The following SPATA13 variants were observed in gnomAD, a reference collection of about 807,000 sequenced individuals.
SPATA13 encodes the protein spermatogenesis associated 13.
Under a neutral mutation model 104.0 loss-of-function variants are expected in SPATA13, and 50 were observed. The observed-to-expected ratio is 0.48, with a 90% CI of 0.38 to 0.61. SPATA13 has a LOEUF of 0.61. SPATA13 is among the 20% of genes least tolerant of loss of function. The pLI, the probability that SPATA13 is intolerant of heterozygous loss-of-function variation, is 0.00. For missense variants in SPATA13, 1,524 were observed against 1,690.6 expected (o/e 0.90, Z 1.73); for synonymous variants, 606 against 667.5 (o/e 0.91, Z 1.42).
chr13:24,231,063 C>G (rs141958157), intron 2 of SPATA13, among the ~76,000 whole-genome samples: 4 of 152,184 alleles, frequency 2.6e-5, no homozygotes, highest in Non-Finnish European at 4.4e-5. Context: ...TGGCTCCCCC[C>G]AGAAGGCTTC....
chr13:24,170,877 C>T (rs74041904), intron 1 of SPATA13, among the ~76,000 whole-genome samples: 4 of 151,932 alleles, frequency 2.6e-5, no homozygotes, highest in African/African-American at 7.2e-5. Context: ...TTATATGATT[C>T]GTTGTTGGGA....
intron 1 of SPATA13, among the ~76,000 whole-genome samples, chr13:24,167,747 T>C (rs1166805181): frequency 1.3e-5 from 2 of 152,250 alleles, no homozygotes; most frequent in African/African-American, 4.8e-5. Flanking sequence ...TTCTAGGGTC[T>C]AAATTTCATT....
intron 2 of SPATA13, among the ~76,000 whole-genome samples, chr13:24,229,593 C>T (rs1247667321): frequency 1.3e-5 from 2 of 152,048 alleles, no homozygotes; most frequent in Non-Finnish European, 1.5e-5. Flanking sequence ...CTTTTTAAGA[C>T]AGGGACGTTA....
chr13:24,046,036 AT>A (rs1878130551), intron 3 of SPATA13, among the ~76,000 whole-genome samples: 1 of 152,206 alleles, frequency 6.6e-6, no homozygotes, highest in Non-Finnish European at 1.5e-5. Flanking sequence ...AATACAAAGC[AT>A]TGCATGTTCT....
In SPATA13 at chr13:24,302,724, C is replaced by G; in HGVS notation, c.3785C>G (p.Ser1262Cys). The G allele has an allele frequency of 6.2e-7, 1 of 1,614,140 alleles. No individual in the cohort carries two copies. Residue 1262 changes from serine to cysteine, a missense_variant, in exon 13 of 13, where the codon TCC becomes TGC. By Grantham distance (112) the Ser-to-Cys change is moderately radical. Coordinates refer to ENST00000382108, the MANE Select transcript of SPATA13 (RefSeq NM_001166271.3). ...VFGLAEPKRK[S>C]SLFWHTFNRL... ...GGCCTGGCGGAACCCAAGAGGAAGTCCTCGCTCTTCTGGCACACCTTCAAC... is the reference window on the plus strand; with the variant it reads ...GGCCTGGCGGAACCCAAGAGGAAGTGCTCGCTCTTCTGGCACACCTTCAAC...
At position 24,116,773 on chromosome 13, in the gene SPATA13, C is replaced by T. The variant is rs955168532; in HGVS notation, c.-112+99072C>T. On this transcript the variant is annotated intron_variant, in intron 3 of 14. Transcript: ENST00000424834. ...TTGTATGTTGAAGCCCTACCAGCCC[C>T]CCCCCCCCAATGTGCTGATGTTTGG... 1.2e-3 allele frequency among the ~76,000 whole-genome samples: 178 copies of T among 150,888 alleles called. 1 individual carries two copies. Among genetic ancestry groups the T allele is most frequent in the African/African-American group, 3.0e-3 (124 of 41,080 alleles).
chr13:24,285,147 T>C lies in SPATA13; in HGVS notation c.2301+876T>C, dbSNP rs187658234. 4.9e-3 allele frequency among the ~76,000 whole-genome samples: 748 copies of C among 152,268 alleles called. 7 individuals carry two copies. Among genetic ancestry groups the C allele is most frequent in the African/African-American group, 0.017 (719 of 41,556 alleles). On this transcript the variant is annotated intron_variant, in intron 5 of 12. Transcript: ENST00000382108. The stretch of plus-strand genomic sequence containing the variant: ...TGTGTATCGTTGGGCGCTAAGGAGA[T>C]GGGCAAAATCACCTGCTCCCGTGGC...
chr13:23,985,620 A>G (rs1277669682), intron 2 of SPATA13, among the ~76,000 whole-genome samples: 3 of 152,216 alleles, frequency 2.0e-5, no homozygotes, highest in Non-Finnish European at 2.9e-5. Context: ...GAGGAATTTC[A>G]TCAGGGTCTG....
intron 3 of SPATA13, chr13:24,034,215 G>A (rs1877597563): frequency 6.6e-6 from 1 of 152,208 alleles, no homozygotes; most frequent in Non-Finnish European, 1.5e-5. Flanking sequence ...AACTCAAGTA[G>A]GAAAGTCAGC....
At chr13:24,220,589 C>A (rs548092149) in intron 1 of SPATA13, among the ~76,000 whole-genome samples, 64 of 152,212 alleles carry the variant, frequency 4.2e-4, no homozygotes, top group Non-Finnish European at 6.5e-4. Flanking sequence ...AGTCTCATCG[C>A]AGAGATGATT....
At chr13:23,990,662 G>T (rs1229816549) in intron 2 of SPATA13, among the ~76,000 whole-genome samples, 2 of 152,146 alleles carry the variant, frequency 1.3e-5, no homozygotes, top group South Asian at 4.1e-4. Flanking sequence ...TGCTATAATT[G>T]TCTACTTCCT....
chr13:24,180,397 C>T (rs546596996), intron 1 of SPATA13, among the ~76,000 whole-genome samples: 107 of 152,242 alleles, frequency 7.0e-4, no homozygotes, highest in African/African-American at 2.3e-3. Flanking sequence ...ATTCCTGTGG[C>T]TTTATAGTAA....
intron 2 of SPATA13, among the ~76,000 whole-genome samples, chr13:23,989,140 T>A (rs2765153): frequency 3.3e-5 from 5 of 151,922 alleles, no homozygotes; most frequent in Admixed American, 3.3e-4. Context: ...TAAGATTTAC[T>A]TGGCTGGGCG....
At position 24,290,771 on chromosome 13, in the gene SPATA13, G is replaced by T. The variant is rs759694777; in HGVS notation, c.2967G>T (p.Leu989=). 6.2e-7 allele frequency: 1 copy of T among 1,614,114 alleles called. No homozygotes were observed. The highest frequency in any genetic ancestry group is 8.5e-7 in the Non-Finnish European group (1 of 1,180,048). The change falls in exon 9 of 13, where the codon CTG becomes CTT. Residue 989 remains leucine, a synonymous_variant. Transcript: ENST00000382108. ...YRHFFEACRL[L]QQMIDIAIDG... is the part of the protein sequence containing the mutation. The stretch of plus-strand genomic sequence containing the variant: ...ATTTCTTTGAAGCCTGCCGCCTGCT[G>T]CAGCAGATGATTGACATCGCCATCG...
intron 4 of SPATA13, among the ~76,000 whole-genome samples, chr13:24,281,524 G>A (rs548368835): frequency 3.9e-5 from 6 of 152,340 alleles, no homozygotes; most frequent in Admixed American, 6.5e-5. Context: ...GCACAGGTGC[G>A]GACCCATGGG....
At chr13:23,981,764 C>G (rs1256076224) in intron 1 of SPATA13, among the ~76,000 whole-genome samples, 2 of 152,204 alleles carry the variant, frequency 1.3e-5, no homozygotes, top group East Asian at 1.9e-4. Context: ...AAAGCCACTG[C>G]TATGACATAT....
At chr13:24,207,856 G>A (rs1322859866) in intron 1 of SPATA13, among the ~76,000 whole-genome samples, 1 of 152,186 alleles carries the variant, frequency 6.6e-6, no homozygotes, top group African/African-American at 2.4e-5. Context: ...CCTGGTGTAG[G>A]TGGTGGCCCT....
Position 24,100,952 on chromosome 13 carries a change from G to T in SPATA13, c.-112+83251G>T, listed in dbSNP as rs114134558. ...TCACTGGGTTTTAGGGCATTGAAAAGGGAAAGAAAAACTTCTATTTCATGT... is the reference window on the plus strand; with the variant it reads ...TCACTGGGTTTTAGGGCATTGAAAATGGAAAGAAAAACTTCTATTTCATGT... On this transcript the variant is annotated intron_variant, in intron 3 of 14. Coordinates refer to the SPATA13 transcript ENST00000424834. Among the ~76,000 whole-genome samples the T allele has an allele frequency of 1.7e-3, 258 of 152,294 alleles. 1 individual carries two copies. The highest frequency in any genetic ancestry group is 5.9e-3 in the African/African-American group (247 of 41,562).
rs1218952718 is a variant in SPATA13, at chr13:24,160,898, G to C, written c.-146G>C. 1 of 985,516 alleles carries C rather than the reference G, an allele frequency of 1.0e-6. No individual in the cohort carries two copies. Among genetic ancestry groups the C allele is most frequent in the Admixed American group, 6.1e-5 (1 of 16,276 alleles). 61.0% of individuals were successfully genotyped at this position (985,516 alleles called of 1,614,324 possible). ...AGGGCAGGGACGTGTTGGACACGCT[G>C]ACTTTGTAGGCTCCGCCAAGAGGCG... On this transcript the variant is annotated 5_prime_UTR_variant, in exon 1 of 13. Transcript: ENST00000382108.
Sources: allele counts gnomAD v4.1 joint callset (sites outside exome capture counted in the v4.1 genomes callset), GRCh38; gene constraint gnomAD v4.1.1; transcripts MANE v1.5; gene names NCBI Gene and HGNC (gene_info 2026-07-23, HGNC 2026-07-21).